Variants in CADM1 observed in about 807,000 individuals in gnomAD.
The protein encoded by CADM1 is TSLC-1.
CADM1 carries 15 observed loss-of-function variants against 53.1 expected under a neutral mutation model. The ratio of observed to expected loss-of-function variants is 0.28; its 90% CI spans 0.19 to 0.44. The LOEUF (loss-of-function observed/expected upper bound fraction) is 0.44. CADM1 is among the 20% of genes least tolerant of loss of function. CADM1 has a pLI of 1.00. For missense variants in CADM1, 434 were observed against 611.3 expected (o/e 0.71, Z 3.06); for synonymous variants, 281 against 243.0 (o/e 1.16, Z -1.45).
At chr11:115,397,737 G>A (rs1947039071) in intron 1 of CADM1, 1 of 129,266 alleles carries the variant, frequency 7.7e-6, no homozygotes, top group Non-Finnish European at 1.6e-5. Flanking sequence ...TTAATGACTA[G>A]GAAGTGTACC....
chr11:115,248,740 C>A (rs1340941697), intron 1 of CADM1, among the ~76,000 whole-genome samples: 3 of 151,990 alleles, frequency 2.0e-5, no homozygotes, highest in African/African-American at 7.3e-5. Flanking sequence ...GATAGGATAA[C>A]CCTGAAGAAA....
chr11:115,433,389 GC>G (rs1465209583), intron 1 of CADM1, among the ~76,000 whole-genome samples: 2 of 152,178 alleles, frequency 1.3e-5, no homozygotes, highest in African/African-American at 2.4e-5. Context: ...TCCAAAGGGA[GC>G]TCAAAGTCAA....
chr11:115,386,697 C>T (rs1260361672), intron 1 of CADM1, among the ~76,000 whole-genome samples: 1 of 52,568 alleles, frequency 1.9e-5, no homozygotes, highest in Non-Finnish European at 3.5e-5. Context: ...ATAGATTAAT[C>T]AATTCATGAG....
rs1938886425 is a variant in CADM1, at chr11:115,173,752, T to C, written c.*2722A>G. 1 of 972,188 alleles carries C rather than the reference T, an allele frequency of 1.0e-6. No homozygotes were observed. The highest frequency in any genetic ancestry group is 6.2e-5 in the Admixed American group (1 of 16,160). The allele number at this position is 972,188 out of a possible 1,614,324, so 60.2% of individuals were successfully genotyped here. ...CAAAATGCGAATGGGAACATATGGA[T>C]ATGGAGTTTCTTACACTGTAACATT... On this transcript the variant is annotated 3_prime_UTR_variant, in exon 12 of 12. Coordinates refer to ENST00000331581, the MANE Select transcript of CADM1 (RefSeq NM_001301043.2).
At chr11:115,315,861 C>T (rs1024574872) in intron 1 of CADM1, among the ~76,000 whole-genome samples, 2 of 152,122 alleles carry the variant, frequency 1.3e-5, no homozygotes, top group Admixed American at 1.3e-4. Flanking sequence ...TTATCTTGAC[C>T]TACCACAAAG....
chr11:115,223,472 C>G (rs1177291512), intron 5 of CADM1, among the ~76,000 whole-genome samples: 2 of 152,126 alleles, frequency 1.3e-5, no homozygotes, highest in Non-Finnish European at 2.9e-5. Flanking sequence ...ACTGGTTTCA[C>G]TATGTAAGTA....
At chr11:115,198,793 C>G (rs1469027449) in intron 8 of CADM1, among the ~76,000 whole-genome samples, 1 of 152,168 alleles carries the variant, frequency 6.6e-6, no homozygotes, top group African/African-American at 2.4e-5. Flanking sequence ...AGCATCAAGG[C>G]TCAGGACTGC....
At chr11:115,443,411 T>C (rs981701564) in intron 1 of CADM1, among the ~76,000 whole-genome samples, 3 of 152,186 alleles carry the variant, frequency 2.0e-5, no homozygotes, top group African/African-American at 7.2e-5. Flanking sequence ...CTGTGTAGCC[T>C]GGGGAGAAAA....
At position 115,231,366 on chromosome 11, in the gene CADM1, G is replaced by A. The variant is rs373090749; in HGVS notation, c.549C>T (p.Asn183=). 2 of 1,614,044 alleles carry A rather than the reference G, an allele frequency of 1.2e-6. No individual in the cohort carries two copies. Among genetic ancestry groups the A allele is most frequent in the East Asian group, 2.2e-5 (1 of 44,890 alleles). Residue 183 remains asparagine, a synonymous_variant, in exon 4 of 12, where the codon AAC becomes AAT. Coordinates refer to ENST00000331581, the MANE Select transcript of CADM1 (RefSeq NM_001301043.2). ...PATTIRWFKG[N]TELKGKSEVE... is the part of the protein sequence containing the mutation. ...TCTGCAGCTTACCTTTTAGCTCTGT[G>A]TTCCCTTTGAACCACCTGATAGTCG...
intron 1 of CADM1, among the ~76,000 whole-genome samples, chr11:115,279,550 G>C (rs903994052): frequency 2.0e-5 from 3 of 152,218 alleles, no homozygotes; most frequent in South Asian, 4.1e-4. Flanking sequence ...AAGAGATTTT[G>C]TTCTTTCATT....
intron 1 of CADM1, among the ~76,000 whole-genome samples, chr11:115,372,231 C>T (rs1178836958): frequency 6.6e-6 from 1 of 152,144 alleles, no homozygotes; most frequent in African/African-American, 2.4e-5. Context: ...CAAAGTTTTC[C>T]CTTTATGTCT....
chr11:115,500,113 C>G lies in CADM1; in HGVS notation c.124+4158G>C, dbSNP rs912869352. Reference sequence around the variant, plus strand: ...ATTTCTCCTTTCTGTGCTGGATTTTCAGTTAAAAATGCCCAGCATAATGGT... The same window carrying G: ...ATTTCTCCTTTCTGTGCTGGATTTTGAGTTAAAAATGCCCAGCATAATGGT... On this transcript the variant is annotated intron_variant, in intron 1 of 11. Transcript: ENST00000331581. Among the ~76,000 whole-genome samples, 14 of 152,324 alleles carry G rather than the reference C, an allele frequency of 9.2e-5. 1 individual carries two copies. Among genetic ancestry groups the G allele is most frequent in the Admixed American group, 3.9e-4 (6 of 15,296 alleles).
intron 5 of CADM1, among the ~76,000 whole-genome samples, chr11:115,221,690 T>C (rs1460063815): frequency 1.3e-5 from 2 of 152,162 alleles, no homozygotes; most frequent in Admixed American, 6.5e-5. Flanking sequence ...AAAGACACAG[T>C]CTCCTCTGTA....
Position 115,235,582 on chromosome 11 carries a change from AT to A in CADM1, c.424+2917del, listed in dbSNP as rs368317860. On this transcript the variant is annotated intron_variant, in intron 3 of 11. Transcript: ENST00000331581. ...CAAGGTTCTTCTCAGCTAACCTCAAATCTATAAGAGTGCTAATTATAAACAT... is the reference window on the plus strand; with the variant it reads ...CAAGGTTCTTCTCAGCTAACCTCAAACTATAAGAGTGCTAATTATAAACAT... Among the ~76,000 whole-genome samples, 209 of 152,346 alleles carry A rather than the reference AT, an allele frequency of 1.4e-3. 2 individuals are homozygous for A. The highest frequency in any genetic ancestry group is 4.9e-3 in the African/African-American group (204 of 41,596).
chr11:115,216,995 A>G (rs988357580), intron 6 of CADM1, among the ~76,000 whole-genome samples: 11 of 152,316 alleles, frequency 7.2e-5, no homozygotes, highest in South Asian at 6.2e-4. Context: ...AGGGAGCTCA[A>G]TGCTGTTTTT....
chr11:115,318,311 G>T (rs1160500277), intron 1 of CADM1, among the ~76,000 whole-genome samples: 1 of 152,038 alleles, frequency 6.6e-6, no homozygotes, highest in East Asian at 1.9e-4. Context: ...CCATCTGTTG[G>T]CCTCATAAAT....
At chr11:115,470,977 G>A (rs1206055150) in intron 1 of CADM1, among the ~76,000 whole-genome samples, 1 of 152,164 alleles carries the variant, frequency 6.6e-6, no homozygotes, top group South Asian at 2.1e-4. Flanking sequence ...GTCAGCAGAG[G>A]TGCCCCAGAC....
intron 5 of CADM1, 66 bp from the exon 6 acceptor site, chr11:115,218,057 A>G (rs900097879): frequency 1.8e-6 from 2 of 1,124,804 alleles, no homozygotes; most frequent in Non-Finnish European, 2.7e-6. Flanking sequence ...TCAGACTCAC[A>G]CACTGCCTCA....
intron 1 of CADM1, among the ~76,000 whole-genome samples, chr11:115,258,018 A>G (rs1210853128): frequency 1.3e-5 from 2 of 152,224 alleles, no homozygotes; most frequent in Non-Finnish European, 2.9e-5. Flanking sequence ...TTTACCAACC[A>G]TCAAAGTATT....
Sources: allele counts gnomAD v4.1 joint callset (sites outside exome capture counted in the v4.1 genomes callset), GRCh38; gene constraint gnomAD v4.1.1; transcripts MANE v1.5; gene names NCBI Gene and HGNC (gene_info 2026-07-23, HGNC 2026-07-21).